SLC11A2: variants seen among roughly 807,000 people sequenced by gnomAD.
SLC11A2 encodes the protein natural resistance-associated macrophage protein 2.
A neutral mutation model predicts 68.0 loss-of-function variants in SLC11A2; 38 were observed. That is an observed-to-expected ratio of 0.56 (90% CI 0.43 to 0.73). SLC11A2 has a LOEUF of 0.73. SLC11A2 is among the 30% of genes least tolerant of loss of function. The pLI is 0.00. For synonymous variants in SLC11A2, 242 were observed against 250.6 expected (o/e 0.97, Z 0.32); for missense variants, 517 against 690.5 (o/e 0.75, Z 2.82).
the SLC11A2 span, among the ~76,000 whole-genome samples, chr12:50,957,937 GGTGTGTGTGT>G: frequency 6.2e-3 from 823 of 132,492 alleles, 13 homozygotes; most frequent in African/African-American, 0.018. Flanking sequence ...ATGAATTGGA[GGTGTGTGTGT>G]GTGTGTGTGT....
At chr12:50,997,857 G>A (rs758180828) in intron 8 of SLC11A2, among the ~76,000 whole-genome samples, 4 of 150,432 alleles carry the variant, frequency 2.7e-5, no homozygotes, top group East Asian at 2.0e-4. Context: ...GCACGGTGGC[G>A]GGCACCCGTA....
Position 51,008,520 on chromosome 12 carries a change from A to T in SLC11A2, c.139T>A (p.Phe47Ile). The T allele has an allele frequency of 6.2e-7, 1 of 1,613,458 alleles. No individual in the cohort carries two copies. Among genetic ancestry groups the T allele is most frequent in the South Asian group, 1.1e-5 (1 of 91,074 alleles). The change falls in exon 3 of 16, where the codon TTC (phenylalanine) becomes ATC (isoleucine). Residue 47 changes from phenylalanine (F) to isoleucine (I), a missense_variant. Phe to Ile is a conservative substitution (Grantham distance 21, BLOSUM62 0). Transcript: ENST00000262052. ...SQSPGDSEEY[F>I]ATYFNEKISI... ...ATCTTCTCATTAAAGTAAGTGGCGA[A>T]GTACTCCTCTGAGTCCCCAGGGGAC...
the SLC11A2 span, among the ~76,000 whole-genome samples, chr12:50,958,020 G>A: frequency 1.1e-4 from 17 of 148,402 alleles, no homozygotes; most frequent in Non-Finnish European, 2.1e-4. Flanking sequence ...TGGCCAGGCT[G>A]GTCCCGAACT....
At chr12:50,954,017 T>A in the SLC11A2 span, 18 of 1,611,606 alleles carry the variant, frequency 1.1e-5, no homozygotes, top group Non-Finnish European at 1.5e-5. Context: ...AGATAACCAG[T>A]GGTCAGCAGA....
At chr12:51,020,192 C>G in intron 1 of SLC11A2, among the ~76,000 whole-genome samples, 1 of 151,034 alleles carries the variant, frequency 6.6e-6, no homozygotes. Flanking sequence ...TCCCAAGTAG[C>G]TGAGACTACA....
At chr12:50,960,941 A>G in the SLC11A2 span, 33 of 1,539,386 alleles carry the variant, frequency 2.1e-5, no homozygotes, top group Non-Finnish European at 2.7e-5. Flanking sequence ...CAGCCTTCCA[A>G]ATAACCCATA....
intron 1 of SLC11A2, among the ~76,000 whole-genome samples, chr12:51,018,439 G>C (rs1300718480): frequency 2.7e-5 from 4 of 149,078 alleles, no homozygotes; most frequent in African/African-American, 4.9e-5. Context: ...CCCTAAGAAA[G>C]TTTGAAATAC....
chr12:51,016,149 C>G (rs1383838612), intron 1 of SLC11A2, among the ~76,000 whole-genome samples: 1 of 152,142 alleles, frequency 6.6e-6, no homozygotes, highest in Non-Finnish European at 1.5e-5. Context: ...GCCTGTAATC[C>G]TAACACTTCG....
chr12:50,976,443 C>T (rs910323543), downstream of SLC11A2, among the ~76,000 whole-genome samples: 10 of 152,098 alleles, frequency 6.6e-5, no homozygotes, highest in Non-Finnish European at 7.4e-5. Flanking sequence ...AATTCAATAG[C>T]CCTTCATGCT....
At chr12:51,021,066 G>A (rs1415130686) in intron 1 of SLC11A2, among the ~76,000 whole-genome samples, 1 of 152,158 alleles carries the variant, frequency 6.6e-6, no homozygotes, top group Non-Finnish European at 1.5e-5. Context: ...GCTCCAGGCT[G>A]GATGACAAAG....
intron 11 of SLC11A2, among the ~76,000 whole-genome samples, chr12:50,993,992 C>CAAAAAAAAAAAAAAAAAAAA (rs71663850): frequency 2.5e-4 from 12 of 48,398 alleles, no homozygotes; most frequent in Non-Finnish European, 4.4e-4. Context: ...ACCTTGTCTC[C>CAAAAAAAAAAAAAAAAAAAA]AAAAAAAAAA....
downstream of SLC11A2, chr12:50,980,064 A>T (rs1217485249): frequency 5.0e-6 from 2 of 397,834 alleles, no homozygotes; most frequent in East Asian, 1.5e-4. Flanking sequence ...CGTCTCTACA[A>T]AAAATACAAA....
chr12:50,960,503 G>A, the SLC11A2 span, among the ~76,000 whole-genome samples: 1 of 152,156 alleles, frequency 6.6e-6, no homozygotes, highest in African/African-American at 2.4e-5. Context: ...TGCAAATACT[G>A]GACTCAAGAA....
the SLC11A2 span, among the ~76,000 whole-genome samples, chr12:50,952,698 C>G: frequency 6.6e-6 from 1 of 152,200 alleles, no homozygotes; most frequent in East Asian, 1.9e-4. Flanking sequence ...GGCGCACCTG[C>G]GATGGCCTTA....
chr12:51,015,351 T>C (rs931870762), intron 1 of SLC11A2, among the ~76,000 whole-genome samples: 4 of 150,828 alleles, frequency 2.7e-5, no homozygotes, highest in African/African-American at 9.8e-5. Flanking sequence ...GGTGCATGCC[T>C]GTAATCCCAG....
intron 11 of SLC11A2, among the ~76,000 whole-genome samples, chr12:50,994,325 G>C (rs184488785): frequency 1.7e-3 from 252 of 152,244 alleles, no homozygotes; most frequent in African/African-American, 5.5e-3. Flanking sequence ...GGGATTACAG[G>C]CGTGAACCAC....
chr12:51,024,080 A>C (rs919084669), intron 1 of SLC11A2, among the ~76,000 whole-genome samples: 1 of 152,224 alleles, frequency 6.6e-6, no homozygotes, highest in Non-Finnish European at 1.5e-5. Context: ...AAATTTGGCC[A>C]GCATGCAGCT....
At chr12:50,995,596 A>G in intron 10 of SLC11A2, 33 bp downstream of exon 10, 2 of 1,611,872 alleles carry the variant, frequency 1.2e-6, no homozygotes, top group South Asian at 2.2e-5. Flanking sequence ...TTACCCTCAC[A>G]TTCACTACCA....
downstream of SLC11A2, among the ~76,000 whole-genome samples, chr12:50,976,042 C>G (rs1333714568): frequency 5.9e-5 from 9 of 152,188 alleles, no homozygotes; most frequent in African/African-American, 2.2e-4. Flanking sequence ...GACGGATTCA[C>G]AGCCGAATTC....
Sources: gnomAD v4.1 joint callset for allele counts (sites outside exome capture counted in the v4.1 genomes callset) on GRCh38, gnomAD v4.1.1 for gene constraint, MANE v1.5 for transcripts, NCBI Gene and HGNC (gene_info 2026-07-23, HGNC 2026-07-21) for gene names.